USP54: variants seen among roughly 807,000 people sequenced by gnomAD.
The protein encoded by USP54 is ubiquitin specific peptidase 54.
A neutral mutation model predicts 170.5 loss-of-function variants in USP54; 87 were observed. The ratio of observed to expected loss-of-function variants is 0.51; its 90% CI spans 0.43 to 0.61. The LOEUF (loss-of-function observed/expected upper bound fraction) is 0.61, where lower values mean the gene tolerates loss of function less well. USP54 is among the 20% of genes least tolerant of loss of function. USP54 has a pLI of 0.00. For synonymous variants in USP54, 655 were observed against 742.8 expected, an observed-to-expected ratio of 0.88 and a Z score of 1.92; for missense variants, 1,786 against 2,047.8, an observed-to-expected ratio of 0.87 and a Z score of 2.47.
intron 4 of USP54, among the ~76,000 whole-genome samples, chr10:73,564,265 T>G (rs2073792704): frequency 6.6e-6 from 1 of 152,156 alleles, no homozygotes; most frequent in Non-Finnish European, 1.5e-5. Context: ...CCTCCCAGAG[T>G]GCTGAGGTTA....
At chr10:73,603,027 TAAGA>T (rs896707560) in intron 1 of USP54, among the ~76,000 whole-genome samples, 65 of 152,218 alleles carry the variant, frequency 4.3e-4, no homozygotes, top group African/African-American at 1.5e-3. Flanking sequence ...CACAAAAATC[TAAGA>T]AAGAACTCAT....
intron 12 of USP54, among the ~76,000 whole-genome samples, chr10:73,532,538 C>G (rs1161590312): frequency 6.6e-6 from 1 of 152,212 alleles, no homozygotes. Context: ...AAATCTGCCT[C>G]TACTGGAAAA....
chr10:73,539,311 T>C (rs1338253287), intron 10 of USP54, 133 bp downstream of exon 10: 2 of 285,228 alleles, frequency 7.0e-6, no homozygotes, highest in Non-Finnish European at 1.1e-5. Flanking sequence ...AAAAAAAATA[T>C]ATATATATAT....
chr10:73,543,357 G>GTT (rs200066024), intron 5 of USP54, among the ~76,000 whole-genome samples: 11 of 151,626 alleles, frequency 7.3e-5, no homozygotes, highest in African/African-American at 2.7e-4. Flanking sequence ...TAACATCTGT[G>GTT]TTTTTTTTGT....
At chr10:73,591,808 T>C (rs2078277072), upstream of USP54, among the ~76,000 whole-genome samples, 2 of 152,198 alleles carry the variant, frequency 1.3e-5, no homozygotes, top group South Asian at 2.1e-4. Flanking sequence ...TGTAGTTGTT[T>C]ACAGAATAAT....
intron 15 of USP54, among the ~76,000 whole-genome samples, chr10:73,527,107 G>A (rs1020162238): frequency 3.3e-5 from 5 of 152,130 alleles, no homozygotes; most frequent in Non-Finnish European, 7.4e-5. Flanking sequence ...AACTCAACAG[G>A]ATCCTGTGGA....
At chr10:73,554,652 C>T (rs546359650) in intron 4 of USP54, among the ~76,000 whole-genome samples, 47 of 152,256 alleles carry the variant, frequency 3.1e-4, no homozygotes, top group South Asian at 2.1e-4. Context: ...GCTAAATCAA[C>T]TCCCTTTATT....
At chr10:73,509,840 G>A (rs975956993) in intron 20 of USP54, among the ~76,000 whole-genome samples, 8 of 151,704 alleles carry the variant, frequency 5.3e-5, no homozygotes, top group African/African-American at 1.5e-4. Flanking sequence ...AAACCCTGTC[G>A]CTCCAAACCA....
At chr10:73,596,064 T>G (rs1442171583), upstream of USP54, among the ~76,000 whole-genome samples, 1 of 147,620 alleles carries the variant, frequency 6.8e-6, no homozygotes, top group Non-Finnish European at 1.5e-5. Context: ...TGAGCTGAGA[T>G]GGTGCCACCG....
intron 1 of USP54, among the ~76,000 whole-genome samples, chr10:73,581,187 G>A (rs1404463818): frequency 6.6e-6 from 1 of 152,246 alleles, no homozygotes; most frequent in Non-Finnish European, 1.5e-5. Context: ...CAGAATGGGA[G>A]GACAAGGCTG....
At chr10:73,592,110 C>A (rs563403253), upstream of USP54, among the ~76,000 whole-genome samples, 371 of 152,104 alleles carry the variant, frequency 2.4e-3, no homozygotes, top group Non-Finnish European at 3.9e-3. Context: ...GTCCCACCCC[C>A]AAACATGTGA....
At position 73,550,115 on chromosome 10, in the gene USP54, G is replaced by T. The variant is rs543882293; in HGVS notation, c.241-4443C>A. ...AGTTTTGCATTTTTAGTAGAGGCCGGGTTTTGCTATGTTGGCCAGGTTGGT... is the reference window on the plus strand; with the variant it reads ...AGTTTTGCATTTTTAGTAGAGGCCGTGTTTTGCTATGTTGGCCAGGTTGGT... On this transcript the variant is annotated intron_variant, in intron 4 of 23. Coordinates refer to ENST00000687698, the MANE Select transcript of USP54 (RefSeq NM_001391956.1). Among the ~76,000 whole-genome samples, 27 of 152,214 alleles carry T rather than the reference G, an allele frequency of 1.8e-4. No homozygotes were observed. The South Asian group carries it at 5.6e-3, about 32-fold the overall frequency.
chr10:73,557,487 ATTT>A (rs60308315), intron 4 of USP54, among the ~76,000 whole-genome samples: 3 of 134,070 alleles, frequency 2.2e-5, no homozygotes. Context: ...CACCTGGCTA[ATTT>A]TTTTTTTTTT....
intron 1 of USP54, among the ~76,000 whole-genome samples, chr10:73,586,930 A>AG (rs1213307047): frequency 2.0e-5 from 3 of 152,218 alleles, no homozygotes; most frequent in African/African-American, 7.2e-5. Flanking sequence ...AAGGACAAAA[A>AG]GTCTTATTTT....
chr10:73,607,320 T>TA (rs772279519), intron 1 of USP54, among the ~76,000 whole-genome samples: 156 of 91,240 alleles, frequency 1.7e-3, no homozygotes, highest in Admixed American at 2.9e-3. Context: ...AGAGTTTGCT[T>TA]AAAAAAAAAA....
At chr10:73,527,413 G>A (rs764026831) in intron 15 of USP54, among the ~76,000 whole-genome samples, 5 of 149,398 alleles carry the variant, frequency 3.3e-5, no homozygotes, top group African/African-American at 4.9e-5. Context: ...CAGGAGAATC[G>A]CTTGAACCCA....
At chr10:73,621,829 C>G (rs1355610450) in intron 1 of USP54, among the ~76,000 whole-genome samples, 2 of 152,082 alleles carry the variant, frequency 1.3e-5, no homozygotes, top group African/African-American at 4.8e-5. Flanking sequence ...ACTCAATTCT[C>G]TATATAACAA....
At chr10:73,569,722 A>C (rs1462783477) in intron 4 of USP54, among the ~76,000 whole-genome samples, 1 of 150,210 alleles carries the variant, frequency 6.7e-6, no homozygotes, top group Admixed American at 6.7e-5. Context: ...ATTGCACTCC[A>C]GCCTGGGCAA....
At chr10:73,625,145 C>G (rs573019822) in intron 1 of USP54, among the ~76,000 whole-genome samples, 1 of 152,284 alleles carries the variant, frequency 6.6e-6, no homozygotes, top group Admixed American at 6.5e-5. Context: ...CACACACCCC[C>G]TTCTTCCAAC....
Sources: allele counts gnomAD v4.1 joint callset (sites outside exome capture counted in the v4.1 genomes callset), GRCh38; gene constraint gnomAD v4.1.1; transcripts MANE v1.5; gene names NCBI Gene and HGNC (gene_info 2026-07-23, HGNC 2026-07-21).